Variants in SHCBP1L observed in about 807,000 individuals in gnomAD.
The protein encoded by SHCBP1L is SHC binding and spindle associated 1 like.
Under a neutral mutation model 62.5 loss-of-function variants are expected in SHCBP1L, and 67 were observed. The observed-to-expected ratio is 1.07, with a 90% CI of 0.88 to 1.31. The LOEUF is 1.31. SHCBP1L is among the 40% of genes most tolerant of loss of function. SHCBP1L has a pLI of 0.00. For missense variants in SHCBP1L, 823 were observed against 809.8 expected (o/e 1.02, Z -0.20); for synonymous variants, 284 against 289.4 (o/e 0.98, Z 0.19).
chr1:182,939,269 G>A lies in SHCBP1L; in HGVS notation c.983C>T (p.Pro328Leu). The A allele has an allele frequency of 6.2e-7, 1 of 1,613,904 alleles. No individual in the cohort carries two copies. Among genetic ancestry groups the A allele is most frequent in the Non-Finnish European group, 8.5e-7 (1 of 1,179,916 alleles). The part of the protein sequence containing the change: ...IEYQSNIKED[P>L]SAAEAVECWK... ...GCATTCAACAGCCTCTGCTGCAGAT[G>A]GATCTTCTTTAATATTGCTCTGATA... The change falls in exon 5 of 10, where the codon CCA becomes CTA. Residue 328 changes from proline to leucine, a missense_variant. Transcript: ENST00000367547.
At chr1:182,904,552 T>A in intron 7 of SHCBP1L, 122 bp from the exon 8 acceptor site, 1 of 825,782 alleles carries the variant, frequency 1.2e-6, no homozygotes, top group Non-Finnish European at 1.9e-6. Context: ...TGTGTGTGTG[T>A]GTGTGTGTGT....
chr1:182,934,574 T>C (rs1224807332), intron 5 of SHCBP1L, among the ~76,000 whole-genome samples: 7 of 152,174 alleles, frequency 4.6e-5, no homozygotes, highest in Admixed American at 4.6e-4. Context: ...TTGTATATTT[T>C]AGATACAAGT....
rs184753666 is a variant in SHCBP1L, at chr1:182,936,036, G to T, written c.1076+3140C>A. Among the ~76,000 whole-genome samples the T allele has an allele frequency of 7.6e-4, 115 of 150,912 alleles. No homozygotes were observed. In the East Asian group the frequency reaches 0.02, roughly 26 times the overall value. On this transcript the variant is annotated intron_variant, in intron 5 of 9. Transcript: ENST00000367547. ...ATTAACATTTACCATATTGTAGCTG[G>T]TTTCTATTAATACAGAGGTTGCACT...
chr1:182,939,235 T>C lies in SHCBP1L; in HGVS notation c.1017A>G (p.Lys339=). ...SAAEAVECWK[K]YYEIVMLCGL... is the part of the protein sequence containing the mutation. ...CACAGAGCATGACTATCTCATAGTA[T>C]TTTTTCCAGCATTCAACAGCCTCTG... is the stretch of plus-strand genomic sequence containing the variant. Residue 339 remains lysine (K), a synonymous_variant, in exon 5 of 10, where the codon AAA becomes AAG. Coordinates refer to ENST00000367547, the MANE Select transcript of SHCBP1L (RefSeq NM_030933.4). The C allele has an allele frequency of 1.2e-6, 2 of 1,613,884 alleles. No homozygotes were observed. The highest frequency in any genetic ancestry group is 1.7e-6 in the Non-Finnish European group (2 of 1,179,860).
At chr1:182,905,433 A>G (rs1022370660) in intron 7 of SHCBP1L, 63 bp downstream of exon 7, 4 of 1,472,562 alleles carry the variant, frequency 2.7e-6, no homozygotes, top group African/African-American at 2.8e-5. Flanking sequence ...AAGCATGTTT[A>G]GAATACACAA....
At chr1:182,904,961 G>A (rs927840533) in intron 7 of SHCBP1L, among the ~76,000 whole-genome samples, 5 of 152,062 alleles carry the variant, frequency 3.3e-5, no homozygotes, top group Admixed American at 1.3e-4. Flanking sequence ...TGCCCAGACT[G>A]CTCTCAAACT....
chr1:182,953,006 G>A lies in SHCBP1L; in HGVS notation c.128C>T (p.Thr43Ile), dbSNP rs911892646. ...CACCACCGACCGCACTGGGATCGCG[G>A]TGCCCTTCAGGGTGGTCGCGGCCGC... is the stretch of plus-strand genomic sequence containing the variant. ...DTAAATTLKG[T>I]AIPVRSVVAS... The change falls in exon 1 of 10, where the codon ACC (threonine) becomes ATC (isoleucine). Residue 43 changes from threonine to isoleucine, a missense_variant. Transcript: ENST00000367547. The A allele has an allele frequency of 2.6e-6, 4 of 1,542,702 alleles. No individual in the cohort carries two copies. The African/African-American group carries it at 4.1e-5, about 16-fold the overall frequency.
Position 182,907,214 on chromosome 1 carries a change from C to T in SHCBP1L, c.1183-1565G>A, listed in dbSNP as rs187195127. Among the ~76,000 whole-genome samples the T allele has an allele frequency of 5.7e-3, 862 of 151,784 alleles. 5 individuals are homozygous for T. Among genetic ancestry groups the T allele is most frequent in the African/African-American group, 0.018 (752 of 41,450 alleles). ...TTGGGAGGCCAAGGTGGGTGGATCA[C>T]TTGAGGTCAGGAGTTCGAGACCAGC... is the stretch of plus-strand genomic sequence containing the variant. On this transcript the variant is annotated intron_variant, in intron 6 of 9. Coordinates refer to ENST00000367547, the MANE Select transcript of SHCBP1L (RefSeq NM_030933.4).
chr1:182,915,806 CTTTTT>C (rs535677579), intron 6 of SHCBP1L, among the ~76,000 whole-genome samples: 3 of 133,228 alleles, frequency 2.3e-5, no homozygotes, highest in Non-Finnish European at 3.2e-5. Context: ...ACAACGTATT[CTTTTT>C]TTTTTTTTTT....
chr1:182,951,161 C>T (rs1651729394), intron 2 of SHCBP1L, among the ~76,000 whole-genome samples, 157 bp downstream of exon 2: 1 of 151,952 alleles, frequency 6.6e-6, no homozygotes, highest in Admixed American at 6.5e-5. Flanking sequence ...CTAATATTCC[C>T]CTAACCTTCT....
intron 8 of SHCBP1L, 42 bp from the exon 9 acceptor site, chr1:182,903,203 C>T: frequency 2.1e-6 from 3 of 1,430,032 alleles, no homozygotes; most frequent in Non-Finnish European, 2.8e-6. Context: ...AAAATATATA[C>T]ACAAACCTCT....
chr1:182,924,669 T>C (rs1031823397), intron 6 of SHCBP1L, among the ~76,000 whole-genome samples: 4 of 86,940 alleles, frequency 4.6e-5, no homozygotes, highest in Non-Finnish European at 8.7e-5. Context: ...CCGATCCAAC[T>C]ACAAAAGAAA....
intron 6 of SHCBP1L, among the ~76,000 whole-genome samples, chr1:182,922,684 C>CAAAAAATT (rs1650562270): frequency 6.6e-6 from 1 of 151,636 alleles, no homozygotes; most frequent in Admixed American, 6.6e-5. Context: ...ATCAAAAAAT[C>CAAAAAATT]AAAAAATTAT....
At chr1:182,945,756 A>G (rs1011983839) in intron 2 of SHCBP1L, among the ~76,000 whole-genome samples, 6 of 152,300 alleles carry the variant, frequency 3.9e-5, no homozygotes, top group Admixed American at 3.9e-4. Context: ...TTTAAAACTA[A>G]GAATTACTTT....
chr1:182,916,186 T>G (rs994410610), intron 6 of SHCBP1L, among the ~76,000 whole-genome samples: 1 of 151,786 alleles, frequency 6.6e-6, no homozygotes, highest in Non-Finnish European at 1.5e-5. Flanking sequence ...TAAATGAAAA[T>G]GAAAACACAA....
chr1:182,922,175 AC>A (rs1650547888), intron 6 of SHCBP1L, among the ~76,000 whole-genome samples: 1 of 152,178 alleles, frequency 6.6e-6, no homozygotes, highest in Non-Finnish European at 1.5e-5. Flanking sequence ...CTATCAGGAG[AC>A]TTAGATAACC....
At position 182,905,522 on chromosome 1, in the gene SHCBP1L, A is replaced by AAAGC. The variant is rs1649983711; in HGVS notation, c.1306_1309dup (p.Leu437CysfsTer6). On this transcript the variant is annotated frameshift_variant, in exon 7 of 10. Transcript: ENST00000367547. LOFTEE classifies it high-confidence loss of function. ...CTTTATAATGATGTCATCTGTCAACAAAGCAAGATTTGCAGCTTGATATTC... is the reference window on the plus strand; with the variant it reads ...CTTTATAATGATGTCATCTGTCAACAAAGCAAGCAAGATTTGCAGCTTGATATTC... 2 of 1,613,778 alleles carry AAAGC rather than the reference A, an allele frequency of 1.2e-6. No individual in the cohort carries two copies. Among genetic ancestry groups the AAAGC allele is most frequent in the Non-Finnish European group, 1.7e-6 (2 of 1,179,828 alleles).
intron 5 of SHCBP1L, among the ~76,000 whole-genome samples, chr1:182,938,942 G>A (rs1178258163): frequency 1.3e-5 from 2 of 152,100 alleles, no homozygotes; most frequent in Admixed American, 6.5e-5. Context: ...TAAAATGAAA[G>A]ATAAGGAAAG....
chr1:182,907,049 C>G (rs1650036708), intron 6 of SHCBP1L, among the ~76,000 whole-genome samples: 1 of 151,492 alleles, frequency 6.6e-6, no homozygotes, highest in Non-Finnish European at 1.5e-5. Flanking sequence ...AACTCCTCAG[C>G]TCAAGTGATC....
Sources: allele counts gnomAD v4.1 joint callset (sites outside exome capture counted in the v4.1 genomes callset), GRCh38; gene constraint gnomAD v4.1.1; transcripts MANE v1.5; gene names NCBI Gene and HGNC (gene_info 2026-07-23, HGNC 2026-07-21).